The following MMEL1 variants were observed in gnomAD, a reference collection of about 807,000 sequenced individuals.
The protein encoded by MMEL1 is membrane metallo-endopeptidase-like 1.
In MMEL1, 98 loss-of-function variants were observed where a neutral mutation model predicts 117.1. That is an observed-to-expected ratio of 0.84 (90% CI 0.71 to 0.99). The LOEUF is 0.99. MMEL1 is among the 50% of genes least tolerant of loss of function. MMEL1 has a pLI of 0.00. For synonymous variants in MMEL1, 390 were observed against 415.1 expected (o/e 0.94, Z 0.74); for missense variants, 1,014 against 1,049.1 (o/e 0.97, Z 0.46).
intron 7 of MMEL1, 56 bp from the exon 8 acceptor site, chr1:2,606,422 C>T (rs1645029814): frequency 2.8e-6 from 4 of 1,407,128 alleles, no homozygotes; most frequent in Non-Finnish European, 4.0e-6. Context: ...CCCAGCCCGG[C>T]CCCTTGTCGG....
At chr1:2,599,712 G>C (rs1232104842) in intron 11 of MMEL1, among the ~76,000 whole-genome samples, 1 of 152,108 alleles carries the variant, frequency 6.6e-6, no homozygotes, top group Non-Finnish European at 1.5e-5. Context: ...GCAAAAATTA[G>C]CTGGGTGTGG....
chr1:2,609,715 T>G lies in MMEL1; in HGVS notation c.409A>C (p.Ser137Arg). ...HVIPETNSRY[S>R]IFDVLRDELE... Reference sequence around the variant, plus strand: ...TCGTCGCGGAGGACGTCAAAGATGCTGTATCTTGAGTTGGTCTCAGGGATC... The same window carrying G: ...TCGTCGCGGAGGACGTCAAAGATGCGGTATCTTGAGTTGGTCTCAGGGATC... The change falls in exon 5 of 24, where the codon AGC becomes CGC. Residue 137 changes from serine to arginine, a missense_variant. Coordinates refer to ENST00000378412, the MANE Select transcript of MMEL1 (RefSeq NM_033467.4). 2 of 1,613,606 alleles carry G rather than the reference T, an allele frequency of 1.2e-6. No homozygotes were observed. The highest frequency in any genetic ancestry group is 1.7e-6 in the Non-Finnish European group (2 of 1,179,924).
At position 2,606,326 on chromosome 1, in the gene MMEL1, G is replaced by A; in HGVS notation, c.672C>T (p.Asn224=). 5.6e-6 allele frequency: 9 copies of A among 1,612,494 alleles called. No individual in the cohort carries two copies. The highest frequency in any genetic ancestry group is 6.8e-6 in the Non-Finnish European group (8 of 1,179,896). ...TGAGGACGCGCCTGTTGAACTGTGA[G>A]TTCATCAGCGCCAGCTGCCGCTCCA... is the stretch of plus-strand genomic sequence containing the variant. ...WELERQLALM[N]SQFNRRVLID... The change falls in exon 8 of 24, where the codon AAC becomes AAT. Residue 224 remains asparagine (N), a synonymous_variant. Transcript: ENST00000378412.
intron 4 of MMEL1, among the ~76,000 whole-genome samples, chr1:2,610,333 G>A (rs1468126213): frequency 1.3e-5 from 2 of 152,186 alleles, no homozygotes; most frequent in African/African-American, 4.8e-5. Flanking sequence ...AGTCGGCTGG[G>A]TTTTCACTTA....
At chr1:2,606,499 G>A in intron 7 of MMEL1, 133 bp from the exon 8 acceptor site, 2 of 648,518 alleles carry the variant, frequency 3.1e-6, no homozygotes, top group Non-Finnish European at 5.3e-6. Context: ...TGCGCCTTAG[G>A]GGCTGGGGGA....
At chr1:2,600,560 C>G (rs1029518852) in intron 11 of MMEL1, among the ~76,000 whole-genome samples, 1 of 151,792 alleles carries the variant, frequency 6.6e-6, no homozygotes, top group African/African-American at 2.4e-5. Context: ...TCAGGCAAGG[C>G]TTGGTCATGG....
chr1:2,597,313 C>CA (rs1487249896), intron 13 of MMEL1, among the ~76,000 whole-genome samples: 2 of 151,914 alleles, frequency 1.3e-5, no homozygotes, highest in Non-Finnish European at 1.5e-5. Context: ...ACGCTTGACT[C>CA]ACAGATGTCT....
Position 2,625,034 on chromosome 1 carries a change from A to G in MMEL1, c.154+4297T>C, listed in dbSNP as rs556699402. Among the ~76,000 whole-genome samples, 7 of 152,202 alleles carry G rather than the reference A, an allele frequency of 4.6e-5. 1 individual carries two copies. In the South Asian group the frequency reaches 6.2e-4, roughly 14 times the overall value. ...AACTGCAAGAGGGAAATCCACTCCC[A>G]TGATCCAATCACATCCCACCAGGCC... On this transcript the variant is annotated intron_variant, in intron 2 of 23. Coordinates refer to ENST00000378412, the MANE Select transcript of MMEL1 (RefSeq NM_033467.4).
At position 2,590,961 on chromosome 1, in the gene MMEL1, G is replaced by A. The variant is rs533809102; in HGVS notation, c.*29C>T. 6.7e-5 allele frequency: 98 copies of A among 1,468,102 alleles called. No homozygotes were observed. Among genetic ancestry groups the A allele is most frequent in the Non-Finnish European group, 8.4e-5 (93 of 1,101,642 alleles). The allele number at this position is 1,468,102 out of a possible 1,614,324, so 90.9% of individuals were successfully genotyped here. ...AGATGCCTCCGAGCAGCGGGTGGGC[G>A]TGGGCCGCACAGCGCGGCAGGGCCT... is the stretch of plus-strand genomic sequence containing the variant. On this transcript the variant is annotated 3_prime_UTR_variant, in exon 24 of 24. Transcript: ENST00000378412.
intron 11 of MMEL1, among the ~76,000 whole-genome samples, chr1:2,603,034 G>A (rs1430945999): frequency 6.6e-6 from 1 of 152,244 alleles, no homozygotes; most frequent in African/African-American, 2.4e-5. Flanking sequence ...CTGGGCAGCG[G>A]GGTGTTGGGG....
intron 9 of MMEL1, 101 bp from the exon 10 acceptor site, chr1:2,604,382 C>G: frequency 1.3e-6 from 2 of 1,493,662 alleles, no homozygotes. Flanking sequence ...TGGGGAAGCC[C>G]CTAATGCGTG....
Position 2,594,390 on chromosome 1 carries a change from T to C in MMEL1, c.1742A>G (p.Gln581Arg), listed in dbSNP as rs1258450094. 6.4e-7 allele frequency: 1 copy of C among 1,551,704 alleles called. No individual in the cohort carries two copies. The highest frequency in any genetic ancestry group is 8.7e-7 in the Non-Finnish European group (1 of 1,146,982). Residue 581 changes from glutamine (Q) to arginine (R), a missense_variant, in exon 18 of 24, where the codon CAG becomes CGG. Coordinates refer to ENST00000378412, the MANE Select transcript of MMEL1 (RefSeq NM_033467.4). ...AGGGAGGGGGAGGAACTTACCAATC[T>C]GGTTTCGGTTTGGGGAGTAGAACGC... ...VNAFYSPNRN[Q>R]IVFPAGILQP... is the part of the protein sequence containing the mutation.
intron 14 of MMEL1, 87 bp from the exon 15 acceptor site, chr1:2,596,194 GC>G: frequency 8.0e-7 from 1 of 1,250,798 alleles, no homozygotes; most frequent in Non-Finnish European, 1.1e-6. Flanking sequence ...TCTGGTCTGA[GC>G]CCCGCCGGGG....
Position 2,595,262 on chromosome 1 carries a change from G to A in MMEL1, c.1584+14C>T. ...GGTGTGGGGGGCAGTTTAGGGCTGG[G>A]GTTGGGGGCGCACATTGGAGTACTC... On this transcript the variant is annotated intron_variant, in intron 16 of 23. Transcript: ENST00000378412. This position sits in a 1 kb window ranked among gnomAD's most constrained non-coding sequence, Gnocchi z 4.8. 1.2e-6 allele frequency: 2 copies of A among 1,611,960 alleles called. No homozygotes were observed. Among genetic ancestry groups the A allele is most frequent in the Non-Finnish European group, 1.7e-6 (2 of 1,178,806 alleles).
chr1:2,598,514 A>G, intron 12 of MMEL1, 140 bp downstream of exon 12: 1 of 1,404,858 alleles, frequency 7.1e-7, no homozygotes, highest in African/African-American at 1.4e-5. Flanking sequence ...CTGGCCACTA[A>G]AGCTTAACCC....
chr1:2,617,691 G>T (rs1225847070), intron 2 of MMEL1, among the ~76,000 whole-genome samples: 22 of 152,270 alleles, frequency 1.4e-4, no homozygotes, highest in Non-Finnish European at 2.9e-4. Context: ...CACTTTCCTT[G>T]GGGGAGTGGC....
intron 20 of MMEL1, 23 bp downstream of exon 20, chr1:2,592,810 T>A (rs1406880489): frequency 2.4e-5 from 39 of 1,612,870 alleles, no homozygotes; most frequent in Non-Finnish European, 3.2e-5. Flanking sequence ...CCCCGCAGCC[T>A]GGGTGCTGGT....
intron 2 of MMEL1, among the ~76,000 whole-genome samples, chr1:2,622,362 A>C (rs1645302868): frequency 6.6e-6 from 1 of 152,200 alleles, no homozygotes; most frequent in Non-Finnish European, 1.5e-5. Flanking sequence ...TGAATTTCTA[A>C]CAGGCTCCCA....
In MMEL1 at chr1:2,612,441, C is replaced by T. The variant is rs537571886; in HGVS notation, c.155-237G>A. On this transcript the variant is annotated intron_variant, in intron 2 of 23. Coordinates refer to ENST00000378412, the MANE Select transcript of MMEL1 (RefSeq NM_033467.4). This position sits in a 1 kb window ranked among gnomAD's most constrained non-coding sequence, Gnocchi z 5.4. ...ATGGGGGGCGGTTTGCCCTGCCTTGCCAGCCCCACCCTTTAATTCTCCCTC... is the reference window on the plus strand; with the variant it reads ...ATGGGGGGCGGTTTGCCCTGCCTTGTCAGCCCCACCCTTTAATTCTCCCTC... 3.7e-4 allele frequency among the ~76,000 whole-genome samples: 56 copies of T among 152,282 alleles called. No individual in the cohort carries two copies. The highest frequency in any genetic ancestry group is 7.2e-4 in the Non-Finnish European group (49 of 68,010).
Sources: gnomAD v4.1 joint callset for allele counts (sites outside exome capture counted in the v4.1 genomes callset) on GRCh38, gnomAD v4.1.1 for gene constraint, Gnocchi (gnomAD v3.1) non-coding constraint, MANE v1.5 for transcripts, NCBI Gene and HGNC (gene_info 2026-07-23, HGNC 2026-07-21) for gene names.